MAGED1: variants seen among roughly 807,000 people sequenced by gnomAD.
MAGED1 encodes melanoma-associated antigen D1.
In MAGED1, 3 loss-of-function variants were observed where a neutral mutation model predicts 54.1. That is an observed-to-expected ratio of 0.06 (90% CI 0.03 to 0.14). The LOEUF (loss-of-function observed/expected upper bound fraction) is 0.14, where lower values mean the gene tolerates loss of function less well. Ranked by LOEUF, MAGED1 falls within the 10% of genes least tolerant of loss-of-function variation. MAGED1 has a pLI of 1.00. For synonymous variants in MAGED1, 217 were observed against 227.3 expected (o/e 0.95, Z 0.41); for missense variants, 485 against 623.4 (o/e 0.78, Z 2.36).
At chrX:51,876,365 G>A (rs926516519) in intron 1 of MAGED1, among the ~76,000 whole-genome samples, 1 of 110,204 alleles carries the variant, frequency 9.1e-6, no homozygotes, top group East Asian at 2.8e-4. Flanking sequence ...AAGCCTTCAG[G>A]AACAAATCAA....
chrX:51,899,132 ATTCT>A (rs782225507), intron 10 of MAGED1: 1 of 112,629 alleles, frequency 8.9e-6, no homozygotes, highest in Admixed American at 9.4e-5. Flanking sequence ...TCATGGTTAA[ATTCT>A]TTATTTTTTA....
At chrX:51,870,575 G>A (rs1193045442) in intron 1 of MAGED1, 1 of 112,226 alleles carries the variant, frequency 8.9e-6, no homozygotes, top group African/African-American at 3.2e-5. Context: ...GTAATTTCCT[G>A]TTGGTAAACA....
At chrX:51,812,272 C>T (rs1027379758) in intron 1 of MAGED1, among the ~76,000 whole-genome samples, 3 of 111,658 alleles carry the variant, frequency 2.7e-5, no homozygotes, top group Non-Finnish European at 3.8e-5. Flanking sequence ...GTCATTTAGA[C>T]GATGTAAAGT....
At chrX:51,838,987 A>G (rs1926356020) in intron 1 of MAGED1, among the ~76,000 whole-genome samples, 1 of 111,734 alleles carries the variant, frequency 8.9e-6, no homozygotes, top group African/African-American at 3.3e-5. Context: ...ATAGCATCAC[A>G]GAGCGACACT....
intron 1 of MAGED1, among the ~76,000 whole-genome samples, chrX:51,867,364 G>A (rs782729366): frequency 1.9e-4 from 21 of 111,790 alleles, no homozygotes; most frequent in African/African-American, 2.6e-4. Flanking sequence ...TAACTTACAC[G>A]ATCACAAGGT....
At chrX:51,883,041 A>C (rs1557362608) in intron 1 of MAGED1, among the ~76,000 whole-genome samples, 1 of 111,411 alleles carries the variant, frequency 9.0e-6, no homozygotes, top group African/African-American at 3.3e-5. Context: ...ATACCAGAGA[A>C]GACTATACCT....
intron 1 of MAGED1, among the ~76,000 whole-genome samples, chrX:51,871,030 C>A (rs1315328158): frequency 8.9e-6 from 1 of 112,409 alleles, no homozygotes; most frequent in African/African-American, 3.2e-5. Context: ...GGCCCCCCAG[C>A]AGGTGCTCAG....
rs781871806 is a variant in MAGED1 at position 51,836,145 on chromosome X, C to T, written c.-37+33028C>T. Among the ~76,000 whole-genome samples, 5 of 110,351 alleles carry T rather than the reference C, an allele frequency of 4.5e-5. No homozygotes were observed. The South Asian group carries it at 1.5e-3, about 34-fold the overall frequency. On this transcript the variant is annotated intron_variant, in intron 1 of 12. Coordinates refer to the MAGED1 transcript ENST00000375772. Reference sequence around the variant, plus strand: ...ATTATGTCATAACTTTTTAAATGTCCTTGTCTGGTAACTCTAACATCTGCA... The same window carrying T: ...ATTATGTCATAACTTTTTAAATGTCTTTGTCTGGTAACTCTAACATCTGCA...
intron 1 of MAGED1, among the ~76,000 whole-genome samples, chrX:51,819,176 C>T (rs781802168): frequency 1.8e-5 from 2 of 110,081 alleles, no homozygotes; most frequent in Non-Finnish European, 3.8e-5. Context: ...TAAGCTTCAC[C>T]TTCTTCCCCT....
intron 1 of MAGED1, chrX:51,857,545 T>C (rs1602240773): frequency 8.9e-6 from 1 of 112,089 alleles, no homozygotes; most frequent in Non-Finnish European, 1.9e-5. Context: ...TATCTGGAGA[T>C]AACAGACCTT....
chrX:51,838,688 G>A (rs1477342549), intron 1 of MAGED1, among the ~76,000 whole-genome samples: 1 of 111,625 alleles, frequency 9.0e-6, no homozygotes, highest in Non-Finnish European at 1.9e-5. Flanking sequence ...TAGGACCGAT[G>A]AGAAGAATGT....
In MAGED1 at chrX:51,894,308, G is replaced by A; in HGVS notation, c.4G>A (p.Ala2Thr). ...TCTTGCCAGAGGGACAGGAGCCATG[G>A]CTCAGAAAATGGACTGTGGTGCGGG... The part of the protein sequence containing the change: M[A>T]QKMDCGAGLL... The change falls in exon 2 of 13, where the codon GCT becomes ACT. Residue 2 changes from alanine (A) to threonine (T), a missense_variant. Physicochemically the swap from Ala to Thr is moderately conservative, Grantham distance 58 (BLOSUM62 0). This residue lies in a region of MAGED1 where 299 missense variants were observed against 293.1 expected (regional missense o/e 1.02). Coordinates refer to ENST00000326587, the MANE Select transcript of MAGED1 (RefSeq NM_006986.4). 8.3e-7 allele frequency: 1 copy of A among 1,201,534 alleles called. No individual in the cohort carries two copies. Among genetic ancestry groups the A allele is most frequent in the South Asian group, 1.8e-5 (1 of 54,976 alleles).
chrX:51,874,401 G>T (rs1027591325), intron 1 of MAGED1, among the ~76,000 whole-genome samples: 42 of 111,419 alleles, frequency 3.8e-4, no homozygotes, highest in Non-Finnish European at 5.5e-4. Flanking sequence ...AGAATTGATT[G>T]GTTGAAGGAT....
chrX:51,846,464 G>A (rs1437450410), intron 1 of MAGED1, among the ~76,000 whole-genome samples: 1 of 111,907 alleles, frequency 8.9e-6, no homozygotes, highest in Non-Finnish European at 1.9e-5. Context: ...AAAGCCTCCA[G>A]AAGTAATGCT....
At chrX:51,870,014 G>T (rs1470224943) in intron 1 of MAGED1, among the ~76,000 whole-genome samples, 8 of 111,197 alleles carry the variant, frequency 7.2e-5, no homozygotes, top group Non-Finnish European at 1.3e-4. Context: ...GAGACTAGGA[G>T]GGTGAGCCAC....
At chrX:51,883,933 A>G (rs1928151939) in intron 1 of MAGED1, among the ~76,000 whole-genome samples, 1 of 112,098 alleles carries the variant, frequency 8.9e-6, no homozygotes, top group African/African-American at 3.2e-5. Context: ...AGATAGAACA[A>G]TAGAAATTAT....
At chrX:51,839,434 A>G (rs782088240) in intron 1 of MAGED1, among the ~76,000 whole-genome samples, 4 of 111,963 alleles carry the variant, frequency 3.6e-5, no homozygotes, top group African/African-American at 1.3e-4. Flanking sequence ...CTGCATGAGC[A>G]GCTTCAGATC....
intron 1 of MAGED1, among the ~76,000 whole-genome samples, chrX:51,824,331 A>G (rs949056300): frequency 9.0e-6 from 1 of 110,683 alleles, no homozygotes; most frequent in Non-Finnish European, 1.9e-5. Context: ...TCTTTCTGTA[A>G]CTTGAATATG....
intron 2 of MAGED1, 55 bp downstream of exon 2, chrX:51,894,404 C>T: frequency 5.5e-6 from 6 of 1,092,385 alleles, no homozygotes; most frequent in Non-Finnish European, 7.5e-6. Context: ...CACCCCTCCC[C>T]GCGGGCCTCT....
Sources: gnomAD v4.1 joint callset for allele counts (sites outside exome capture counted in the v4.1 genomes callset) on GRCh38, gnomAD v4.1.1 for gene constraint, gnomAD v4.1.1 regional missense constraint, MANE v1.5 for transcripts, NCBI Gene and HGNC (gene_info 2026-07-23, HGNC 2026-07-21) for gene names.